The following EVC2 variants were observed in gnomAD, a reference collection of about 807,000 sequenced individuals.
EVC2 encodes the protein EvC ciliary complex subunit 2.
In EVC2, 148 loss-of-function variants were observed where a neutral mutation model predicts 149.3. The ratio of observed to expected loss-of-function variants is 0.99; its 90% CI spans 0.87 to 1.14. EVC2 has a LOEUF of 1.14. Among genes scored for constraint, EVC2 ranks in the 50% most tolerant of loss-of-function variants. The pLI, the probability that EVC2 is intolerant of heterozygous loss-of-function variation, is 0.00. For missense variants in EVC2, 1,854 were observed against 1,627.3 expected, an observed-to-expected ratio of 1.14 and a Z score of -2.40; for synonymous variants, 776 against 649.9, an observed-to-expected ratio of 1.19 and a Z score of -2.95.
rs565650120 is a variant in EVC2 at position 5,702,157 on chromosome 4, G to A, written c.229-4510C>T. On this transcript the variant is annotated intron_variant, in intron 1 of 21. Transcript: ENST00000344408. ...CCTGGCCAGAAACAAGGCCTTGCCCGTCCCCCACTCCATTCGGGGATCCGC... is the reference window on the plus strand; with the variant it reads ...CCTGGCCAGAAACAAGGCCTTGCCCATCCCCCACTCCATTCGGGGATCCGC... Among the ~76,000 whole-genome samples the A allele has an allele frequency of 1.5e-4, 23 of 152,150 alleles. 1 individual carries two copies. In the South Asian group the frequency reaches 2.1e-3, roughly 14 times the overall value.
intron 16 of EVC2, among the ~76,000 whole-genome samples, chr4:5,606,401 G>A (rs1010096068): frequency 3.3e-5 from 5 of 152,098 alleles, no homozygotes; most frequent in East Asian, 3.9e-4. Flanking sequence ...CACTTTTGGC[G>A]GAATCCACAG....
At chr4:5,570,882 A>G (rs1000923542) in intron 19 of EVC2, among the ~76,000 whole-genome samples, 1 of 152,208 alleles carries the variant, frequency 6.6e-6, no homozygotes, top group Non-Finnish European at 1.5e-5. Flanking sequence ...TTCTAAGTGA[A>G]GAAACTCAGG....
chr4:5,695,649 T>G (rs150106006), intron 2 of EVC2, among the ~76,000 whole-genome samples: 1 of 152,234 alleles, frequency 6.6e-6, no homozygotes, highest in Non-Finnish European at 1.5e-5. Flanking sequence ...ACACTGCACA[T>G]GAAAGTGCTT....
At chr4:5,534,937 T>A in the EVC2 span, among the ~76,000 whole-genome samples, 15 of 151,008 alleles carry the variant, frequency 9.9e-5, no homozygotes, top group East Asian at 1.9e-4. Flanking sequence ...CAGGAGAATT[T>A]AAAAAAAAAA....
rs1376155432 is a variant in EVC2, at chr4:5,568,449, C to A, written c.3552G>T (p.Arg1184Ser). 3.2e-6 allele frequency: 5 copies of A among 1,555,952 alleles called. No individual in the cohort carries two copies. Among genetic ancestry groups the A allele is most frequent in the Non-Finnish European group, 4.3e-6 (5 of 1,157,648 alleles). ...DGGAEQADVG[R>S]RRKHQSWWQA... is the part of the protein sequence containing the mutation. ...AGCCCCTCCACGGCACTCACCTCCG[C>A]CTGCCCACGTCGGCCTGCTCCGCTC... The change falls in exon 20 of 22, where the codon AGG (arginine) becomes AGT (serine). Residue 1184 changes from arginine (R) to serine (S), a missense_variant. Coordinates refer to ENST00000344408, the MANE Select transcript of EVC2 (RefSeq NM_147127.5).
chr4:5,533,597 C>G, the EVC2 span, among the ~76,000 whole-genome samples: 2 of 152,214 alleles, frequency 1.3e-5, no homozygotes. Context: ...TGTCTCACGC[C>G]CTGCAGCCAG....
rs1032602481 is a variant in EVC2 at position 5,592,836 on chromosome 4, AGGGAAGAAACAC to A, written c.2830-7998_2830-7987del. ...CTGTGCATGTGAACAGCCCGCCCCA[AGGGAAGAAACAC>A]GGGAGAAGGGATGTGATATGGTTTG... On this transcript the variant is annotated intron_variant, in intron 16 of 21. Coordinates refer to ENST00000344408, the MANE Select transcript of EVC2 (RefSeq NM_147127.5). Among the ~76,000 whole-genome samples the A allele has an allele frequency of 2.6e-5, 4 of 152,294 alleles. No individual in the cohort carries two copies. In the South Asian group the frequency reaches 6.2e-4, roughly 24 times the overall value.
chr4:5,654,578 G>A (rs1718376498), intron 9 of EVC2, among the ~76,000 whole-genome samples: 1 of 152,200 alleles, frequency 6.6e-6, no homozygotes, highest in African/African-American at 2.4e-5. Context: ...GTGCAGGCCA[G>A]CAGCCCAGGG....
intron 9 of EVC2, among the ~76,000 whole-genome samples, chr4:5,645,076 T>C (rs925766205): frequency 1.3e-5 from 2 of 152,134 alleles, no homozygotes; most frequent in Non-Finnish European, 1.5e-5. Flanking sequence ...GTTGGTTCTA[T>C]TTTTAGTTTT....
In EVC2 at chr4:5,631,794, T is replaced by C. The variant is rs778194782; in HGVS notation, c.1709A>G (p.Gln570Arg). ...ATCACAGCGAGGCTGATGTATTACCTGTATTTTAGAATAATTTTGCAGCAG... is the reference window on the plus strand; with the variant it reads ...ATCACAGCGAGGCTGATGTATTACCCGTATTTTAGAATAATTTTGCAGCAG... ...KMLLQNYSKI[Q>R]ENVEELMDFF... is the part of the protein sequence containing the mutation. Residue 570 changes from glutamine (Q) to arginine (R), a missense_variant and splice_region_variant, in exon 11 of 22, where the codon CAG becomes CGG. Gln to Arg is a conservative substitution (Grantham distance 43, BLOSUM62 1). Transcript: ENST00000344408. 1 of 1,613,946 alleles carries C rather than the reference T, an allele frequency of 6.2e-7. No individual in the cohort carries two copies. The highest frequency in any genetic ancestry group is 8.5e-7 in the Non-Finnish European group (1 of 1,179,814).
intron 4 of EVC2, 119 bp downstream of exon 4, chr4:5,691,146 C>A: frequency 1.1e-6 from 1 of 875,008 alleles, no homozygotes; most frequent in South Asian, 1.4e-5. Context: ...GCTCATGTGT[C>A]TAGACTTGTG....
At position 5,584,665 on chromosome 4, in the gene EVC2, C is replaced by T. The variant is rs1577118206; in HGVS notation, c.3015G>A (p.Leu1005=). 1.2e-6 allele frequency: 2 copies of T among 1,614,002 alleles called. No individual in the cohort carries two copies. The change falls in exon 17 of 22, where the codon CTG becomes CTA. Residue 1005 remains leucine (L), a synonymous_variant. Transcript: ENST00000344408. ...LLEELSASEM[L]TKSACTQILE... The stretch of plus-strand genomic sequence containing the variant: ...GGATCTGTGTGCAGGCCGACTTGGT[C>T]AGCATCTCAGATGCACTCAGCTCTT...
intron 9 of EVC2, among the ~76,000 whole-genome samples, chr4:5,653,917 G>A (rs561702343): frequency 9.2e-5 from 14 of 152,288 alleles, no homozygotes; most frequent in Non-Finnish European, 1.5e-4. Context: ...AACTTGAAAC[G>A]AGAGGCTGAA....
chr4:5,635,779 C>A (rs185234802), intron 10 of EVC2, among the ~76,000 whole-genome samples: 2 of 152,260 alleles, frequency 1.3e-5, no homozygotes, highest in East Asian at 3.9e-4. Context: ...CAGCCCAGGG[C>A]AAGACATCTG....
In EVC2 at chr4:5,670,015, T is replaced by A. The variant is rs962465268; in HGVS notation, c.871-4366A>T. On this transcript the variant is annotated intron_variant, in intron 7 of 21. Coordinates refer to ENST00000344408, the MANE Select transcript of EVC2 (RefSeq NM_147127.5). This position sits in a 1 kb window ranked among gnomAD's most constrained non-coding sequence, Gnocchi z 5.2. ...GGGGCAAACCCACTCATGACCCTCA[T>A]TTTCTTCATTTATCTGTGTTGTTAA... Among the ~76,000 whole-genome samples the A allele has an allele frequency of 2.6e-5, 4 of 152,182 alleles. No individual in the cohort carries two copies. The highest frequency in any genetic ancestry group is 1.3e-4 in the Admixed American group (2 of 15,280).
chr4:5,545,274 A>C (rs1446503313), intron 21 of EVC2, among the ~76,000 whole-genome samples: 3 of 152,214 alleles, frequency 2.0e-5, no homozygotes, highest in African/African-American at 7.2e-5. Flanking sequence ...GAAATGGTTG[A>C]AAGAATAAAT....
Position 5,691,328 on chromosome 4 carries a change from C to T in EVC2, c.456G>A (p.Gly152=), listed in dbSNP as rs1458026386. 1.2e-6 allele frequency: 2 copies of T among 1,611,308 alleles called. No individual in the cohort carries two copies. ...TCCCTTGAACTTCTCTTGAAATGTC[C>T]CCATACTACAATAAAATGTAAAAGT... ...RESPITHRLY[G]DISREVQGTS... Residue 152 remains glycine (G), a synonymous_variant, in exon 4 of 22, where the codon GGG becomes GGA. Coordinates refer to ENST00000344408, the MANE Select transcript of EVC2 (RefSeq NM_147127.5).
chr4:5,692,023 T>C (rs375716554), intron 3 of EVC2, among the ~76,000 whole-genome samples: 1 of 152,182 alleles, frequency 6.6e-6, no homozygotes, highest in Non-Finnish European at 1.5e-5. Context: ...GACTGGACCC[T>C]TACTGCATCA....
At chr4:5,674,692 A>C (rs1156792829) in intron 7 of EVC2, among the ~76,000 whole-genome samples, 4 of 152,168 alleles carry the variant, frequency 2.6e-5, no homozygotes, top group Admixed American at 2.6e-4. Flanking sequence ...AGCGTAATGG[A>C]AAACAAAGGC....
Sources: allele counts gnomAD v4.1 joint callset (sites outside exome capture counted in the v4.1 genomes callset), GRCh38; gene constraint gnomAD v4.1.1; non-coding constraint Gnocchi (gnomAD v3.1); transcripts MANE v1.5; gene names NCBI Gene and HGNC (gene_info 2026-07-23, HGNC 2026-07-21).